Variants in CDC42BPB observed in about 807,000 individuals in gnomAD.
The protein encoded by CDC42BPB is serine/threonine-protein kinase MRCK beta.
A neutral mutation model predicts 214.9 loss-of-function variants in CDC42BPB; 37 were observed. That is an observed-to-expected ratio of 0.17 (90% CI 0.13 to 0.23). The LOEUF (loss-of-function observed/expected upper bound fraction) is 0.23. CDC42BPB is among the 10% of genes least tolerant of loss of function. The pLI is 1.00. For missense variants in CDC42BPB, 1,694 were observed against 2,227.0 expected, an observed-to-expected ratio of 0.76 and a Z score of 4.82; for synonymous variants, 931 against 884.0, an observed-to-expected ratio of 1.05 and a Z score of -0.94.
At chr14:102,996,581 G>A (rs1429198672) in intron 5 of CDC42BPB, among the ~76,000 whole-genome samples, 1 of 152,108 alleles carries the variant, frequency 6.6e-6, no homozygotes, top group Non-Finnish European at 1.5e-5. Context: ...GGGAGGCCGA[G>A]GTGGGTGGAT....
At chr14:103,019,230 G>C (rs1164525439) in intron 1 of CDC42BPB, among the ~76,000 whole-genome samples, 1 of 152,156 alleles carries the variant, frequency 6.6e-6, no homozygotes, top group Non-Finnish European at 1.5e-5. Context: ...TACCACACCT[G>C]GCCATCCTGA....
At chr14:102,968,917 G>A in intron 14 of CDC42BPB, 2 of 984,982 alleles carry the variant, frequency 2.0e-6, no homozygotes, top group Non-Finnish European at 2.4e-6. Context: ...CTTGCAGGGG[G>A]ATGTGCCCAG....
Position 102,944,011 on chromosome 14 carries a change from C to A in CDC42BPB, c.4288G>T (p.Val1430Leu). 6.2e-7 allele frequency: 1 copy of A among 1,613,442 alleles called. No individual in the cohort carries two copies. Among genetic ancestry groups the A allele is most frequent in the Non-Finnish European group, 8.5e-7 (1 of 1,180,024 alleles). Reference protein sequence around the residue: ...SQQSFDALCAVELESEEYLLC... With the variant: ...SQQSFDALCALELESEEYLLC... ...AGGTACTCCTCGCTTTCGAGCTCCA[C>A]AGCACAAAGGGCATCAAAAGACTGT... The change falls in exon 30 of 37, where the codon GTG becomes TTG. Residue 1430 changes from valine (V) to leucine (L), a missense_variant. Around this residue, in one of 7 missense-constraint regions of CDC42BPB, gnomAD observed 567 missense variants for 790.3 expected, o/e 0.72. Coordinates refer to ENST00000361246, the MANE Select transcript of CDC42BPB (RefSeq NM_006035.4). This position sits in a 1 kb window ranked among gnomAD's most constrained non-coding sequence, Gnocchi z 6.6.
chr14:103,032,785 A>C (rs1475722815), intron 1 of CDC42BPB, among the ~76,000 whole-genome samples: 1 of 151,772 alleles, frequency 6.6e-6, no homozygotes, highest in Non-Finnish European at 1.5e-5. Flanking sequence ...GGCATGCAGC[A>C]CCACGCCTGG....
intron 1 of CDC42BPB, among the ~76,000 whole-genome samples, chr14:103,053,512 A>C (rs1483279120): frequency 6.6e-5 from 10 of 152,034 alleles, no homozygotes; most frequent in Admixed American, 2.0e-4. Flanking sequence ...CTGTAATCCA[A>C]GAACTTTGGG....
intron 1 of CDC42BPB, among the ~76,000 whole-genome samples, chr14:103,032,617 T>C (rs1316890474): frequency 2.1e-5 from 3 of 143,068 alleles, no homozygotes; most frequent in Admixed American, 7.0e-5. Context: ...CAAATGCCTA[T>C]AAAACAAATC....
At chr14:102,935,004 ACT>A (rs752738202) in intron 36 of CDC42BPB, among the ~76,000 whole-genome samples, 131 of 146,130 alleles carry the variant, frequency 9.0e-4, no homozygotes, top group Admixed American at 1.6e-3. Flanking sequence ...GTAGAGTGAG[ACT>A]CTGTCTCAAA....
chr14:102,995,832 G>C (rs1894704257), intron 5 of CDC42BPB, among the ~76,000 whole-genome samples: 1 of 152,216 alleles, frequency 6.6e-6, no homozygotes, highest in Non-Finnish European at 1.5e-5. Flanking sequence ...TGGCGCCAAT[G>C]ACATTTCTTT....
intron 29 of CDC42BPB, chr14:102,945,121 A>G: frequency 2.5e-6 from 1 of 396,122 alleles, no homozygotes; most frequent in Non-Finnish European, 5.1e-6. Context: ...TTCTCGCTCC[A>G]CGGCCATCAC....
intron 1 of CDC42BPB, among the ~76,000 whole-genome samples, chr14:103,012,799 C>T (rs1444257838): frequency 6.6e-6 from 1 of 152,168 alleles, no homozygotes; most frequent in East Asian, 1.9e-4. Flanking sequence ...AGCAAGACTC[C>T]ATCTCAGAAA....
chr14:102,944,424 A>C lies in CDC42BPB; in HGVS notation c.3875T>G (p.Ile1292Ser). 1 of 1,613,010 alleles carries C rather than the reference A, an allele frequency of 6.2e-7. No homozygotes were observed. The change falls in exon 30 of 37, where the codon ATC becomes AGC. Residue 1292 changes from isoleucine (I) to serine (S), a missense_variant. Ile to Ser is a moderately radical substitution (Grantham distance 142). Transcript: ENST00000361246. This position sits in a 1 kb window ranked among gnomAD's most constrained non-coding sequence, Gnocchi z 6.6. ...HQIELAPREK[I>S]VILLCGRNHH... ...GTTCCGGCCACAGAGGAGGATTACG[A>C]TCTTCTCCCTGGGAGCAAGCTCGAT... is the stretch of plus-strand genomic sequence containing the variant.
At chr14:102,972,779 G>C (rs939071634) in intron 12 of CDC42BPB, among the ~76,000 whole-genome samples, 1 of 144,426 alleles carries the variant, frequency 6.9e-6, no homozygotes, top group African/African-American at 2.6e-5. Context: ...GTGCTTACAG[G>C]AGGACGCTCC....
intron 4 of CDC42BPB, among the ~76,000 whole-genome samples, chr14:103,002,504 T>C (rs922575926): frequency 1.3e-5 from 2 of 152,316 alleles, no homozygotes; most frequent in African/African-American, 4.8e-5. Flanking sequence ...TTTGTACAGA[T>C]CCCAGTTGCC....
chr14:102,967,985 C>G (rs1893294430), intron 16 of CDC42BPB, among the ~76,000 whole-genome samples: 1 of 151,684 alleles, frequency 6.6e-6, no homozygotes. Context: ...GTCCCAGCCA[C>G]TTGGGAGGCT....
chr14:102,956,358 T>C (rs1892705514), intron 21 of CDC42BPB: 3 of 658,290 alleles, frequency 4.6e-6, no homozygotes, highest in Non-Finnish European at 5.6e-6. Context: ...TGAAGATATA[T>C]TGACTTAATC....
intron 1 of CDC42BPB, among the ~76,000 whole-genome samples, chr14:103,018,913 G>A (rs1012249291): frequency 6.6e-6 from 1 of 152,190 alleles, no homozygotes; most frequent in Non-Finnish European, 1.5e-5. Context: ...GACAGACACA[G>A]CTTCCAGGGA....
chr14:102,946,807 A>T, intron 27 of CDC42BPB, 123 bp from the exon 28 acceptor site: 1 of 1,467,388 alleles, frequency 6.8e-7, no homozygotes. Flanking sequence ...CTTCCCAGGC[A>T]GGGACCCCTG....
At chr14:102,941,241 A>G in intron 30 of CDC42BPB, 7 of 985,432 alleles carry the variant, frequency 7.1e-6, no homozygotes, top group Non-Finnish European at 8.4e-6. Context: ...AATGCAAGAG[A>G]GCTCCAGCTC....
At position 102,950,582 on chromosome 14, in the gene CDC42BPB, C is replaced by T. The variant is rs1220016248; in HGVS notation, c.3193G>A (p.Val1065Met). 5.0e-6 allele frequency: 8 copies of T among 1,596,070 alleles called. No individual in the cohort carries two copies. Among genetic ancestry groups the T allele is most frequent in the African/African-American group, 1.3e-5 (1 of 74,412 alleles). The change falls in exon 25 of 37, where the codon GTG (valine) becomes ATG (methionine). Residue 1065 changes from valine to methionine, a missense_variant. Transcript: ENST00000361246. ...TGGGGGGCACCGTCTTTGCAGGACA[C>T]GTGGCAAGCAAAGGAACACACTGGA... ...ACEVCSFACHVSCKDGAPQVC... is the reference protein window; with the variant it reads ...ACEVCSFACHMSCKDGAPQVC...
Sources: gnomAD v4.1 joint callset for allele counts (sites outside exome capture counted in the v4.1 genomes callset) on GRCh38, gnomAD v4.1.1 for gene constraint, gnomAD v4.1.1 regional missense constraint, Gnocchi (gnomAD v3.1) non-coding constraint, MANE v1.5 for transcripts, NCBI Gene and HGNC (gene_info 2026-07-23, HGNC 2026-07-21) for gene names.